Variants in SYT1 observed in about 807,000 individuals in gnomAD.
The protein encoded by SYT1 is synaptotagmin 1.
SYT1 carries 8 observed loss-of-function variants against 44.8 expected under a neutral mutation model. The ratio of observed to expected loss-of-function variants is 0.18; its 90% CI spans 0.10 to 0.32. The LOEUF (loss-of-function observed/expected upper bound fraction) is 0.32. SYT1 is among the 10% of genes least tolerant of loss of function. SYT1 has a pLI of 1.00. For synonymous variants in SYT1, 154 were observed against 188.8 expected (o/e 0.82, Z 1.51); for missense variants, 286 against 509.3 (o/e 0.56, Z 4.22).
chr12:79,424,011 C>G (rs1300451618), intron 9 of SYT1, among the ~76,000 whole-genome samples: 2 of 151,466 alleles, frequency 1.3e-5, no homozygotes, highest in African/African-American at 2.4e-5. Context: ...ATAGATGGAG[C>G]ATTACCTAAA....
At chr12:79,092,485 G>A (rs1354747337) in intron 3 of SYT1, among the ~76,000 whole-genome samples, 2 of 151,086 alleles carry the variant, frequency 1.3e-5, no homozygotes, top group African/African-American at 4.9e-5. Context: ...CCATATTCCC[G>A]TAAACTGTAG....
intron 2 of SYT1, among the ~76,000 whole-genome samples, chr12:78,978,696 A>G (rs1235278380): frequency 6.6e-6 from 1 of 152,194 alleles, no homozygotes; most frequent in Non-Finnish European, 1.5e-5. Flanking sequence ...TTGGAGTCCC[A>G]TGCTACAGAA....
chr12:79,112,666 A>T (rs909486306), intron 3 of SYT1, among the ~76,000 whole-genome samples: 3 of 152,184 alleles, frequency 2.0e-5, no homozygotes, highest in Non-Finnish European at 2.9e-5. Context: ...GGTGATCTAA[A>T]ATAAACATAT....
At chr12:79,065,377 C>T (rs993033305) in intron 3 of SYT1, among the ~76,000 whole-genome samples, 80 of 151,970 alleles carry the variant, frequency 5.3e-4, no homozygotes, top group Non-Finnish European at 1.0e-3. Context: ...GGCGACTGAG[C>T]GAGACTCTGT....
intron 2 of SYT1, among the ~76,000 whole-genome samples, chr12:78,982,614 T>C (rs1444525333): frequency 6.6e-6 from 1 of 152,122 alleles, no homozygotes; most frequent in Non-Finnish European, 1.5e-5. Context: ...ATTTGGCAGC[T>C]TCTGAAAGCT....
intron 8 of SYT1, among the ~76,000 whole-genome samples, chr12:79,316,971 G>GA (rs1426301884): frequency 6.6e-6 from 1 of 152,020 alleles, no homozygotes; most frequent in Non-Finnish European, 1.5e-5. Flanking sequence ...AAATATTATT[G>GA]AAAAAATGTA....
intron 1 of SYT1, among the ~76,000 whole-genome samples, chr12:78,903,588 A>G (rs981239682): frequency 2.0e-5 from 3 of 152,050 alleles, no homozygotes; most frequent in African/African-American, 7.2e-5. Context: ...CCTGGATAAA[A>G]TATTTGTATA....
intron 4 of SYT1, among the ~76,000 whole-genome samples, chr12:79,244,583 A>C (rs1030438574): frequency 1.3e-5 from 2 of 152,096 alleles, no homozygotes; most frequent in African/African-American, 2.4e-5. Flanking sequence ...TGGCGCCTGT[A>C]GTCCCAGCTA....
intron 2 of SYT1, among the ~76,000 whole-genome samples, chr12:78,983,291 A>G (rs1869405926): frequency 6.6e-6 from 1 of 152,128 alleles, no homozygotes; most frequent in African/African-American, 2.4e-5. Context: ...CCGTATAGCC[A>G]GATGTAAGTA....
intron 8 of SYT1, among the ~76,000 whole-genome samples, chr12:79,347,717 C>A (rs1482503077): frequency 1.3e-5 from 2 of 152,120 alleles, no homozygotes; most frequent in Non-Finnish European, 2.9e-5. Flanking sequence ...GCTGGGAACA[C>A]AGCAGTAAGA....
At chr12:79,074,108 T>G (rs554471021) in intron 3 of SYT1, among the ~76,000 whole-genome samples, 1 of 152,330 alleles carries the variant, frequency 6.6e-6, no homozygotes, top group East Asian at 1.9e-4. Context: ...TCTGGAGTGT[T>G]TTTATTTAAT....
At chr12:79,107,623 T>C (rs1289355996) in intron 3 of SYT1, among the ~76,000 whole-genome samples, 1 of 152,038 alleles carries the variant, frequency 6.6e-6, no homozygotes, top group Non-Finnish European at 1.5e-5. Context: ...AAGAAAAAAT[T>C]ATTCTTTGCA....
In SYT1 at chr12:79,314,306, C is replaced by A. The variant is rs967481058; in HGVS notation, c.810+14755C>A. On this transcript the variant is annotated intron_variant, in intron 8 of 10. Transcript: ENST00000261205. ...CCTTCCTTTTTTGAGGACAGTGGGACAGCCTAAGTGTTCAGAAGGCATTGT... is the reference window on the plus strand; with the variant it reads ...CCTTCCTTTTTTGAGGACAGTGGGAAAGCCTAAGTGTTCAGAAGGCATTGT... Among the ~76,000 whole-genome samples the A allele has an allele frequency of 3.3e-5, 5 of 151,774 alleles. No individual in the cohort carries two copies. The East Asian group carries it at 9.7e-4, about 29-fold the overall frequency.
chr12:79,413,816 A>T (rs1479634017), intron 9 of SYT1, among the ~76,000 whole-genome samples: 1 of 152,216 alleles, frequency 6.6e-6, no homozygotes, highest in African/African-American at 2.4e-5. Flanking sequence ...AGGTAATTGC[A>T]TGCCTAAATA....
chr12:78,983,481 G>C (rs2137449720), intron 2 of SYT1, among the ~76,000 whole-genome samples: 1 of 152,124 alleles, frequency 6.6e-6, no homozygotes, highest in East Asian at 1.9e-4. Flanking sequence ...TAAACTATCT[G>C]TCAAGAACTT....
At chr12:78,897,523 G>A (rs1592535350) in intron 1 of SYT1, among the ~76,000 whole-genome samples, 2 of 152,090 alleles carry the variant, frequency 1.3e-5, no homozygotes, top group Admixed American at 1.3e-4. Flanking sequence ...CTGTTGTACA[G>A]AGACATATGT....
At chr12:79,430,744 C>T (rs1489905688) in intron 9 of SYT1, among the ~76,000 whole-genome samples, 1 of 152,200 alleles carries the variant, frequency 6.6e-6, no homozygotes. Context: ...CATGATTGTG[C>T]CACTGCACTC....
chr12:79,423,702 A>G (rs1431633296), intron 9 of SYT1, among the ~76,000 whole-genome samples: 1 of 152,026 alleles, frequency 6.6e-6, no homozygotes, highest in Non-Finnish European at 1.5e-5. Context: ...TAAGAAACCC[A>G]TTTATCAGAA....
intron 9 of SYT1, among the ~76,000 whole-genome samples, chr12:79,430,413 A>C (rs1195649099): frequency 1.3e-5 from 2 of 152,206 alleles, no homozygotes; most frequent in Admixed American, 1.3e-4. Context: ...TCTCTTCCCA[A>C]CTGAACTATA....
Sources: gnomAD v4.1 joint callset for allele counts (sites outside exome capture counted in the v4.1 genomes callset) on GRCh38, gnomAD v4.1.1 for gene constraint, MANE v1.5 for transcripts, NCBI Gene and HGNC (gene_info 2026-07-23, HGNC 2026-07-21) for gene names.